Variants in PLPP1 observed in about 807,000 individuals in gnomAD.
PLPP1 encodes phospholipid phosphatase 1.
In PLPP1, 24 loss-of-function variants were observed where a neutral mutation model predicts 31.2. The observed-to-expected ratio is 0.77, with a 90% CI of 0.56 to 1.08. The LOEUF (loss-of-function observed/expected upper bound fraction) is 1.08. PLPP1 is among the 50% of genes least tolerant of loss of function. The probability of loss-of-function intolerance (pLI) is 0.00; values close to 1 mark genes in which losing one functional copy is unlikely to be tolerated. For missense variants in PLPP1, 319 were observed against 342.7 expected (o/e 0.93, Z 0.55); for synonymous variants, 146 against 126.3 (o/e 1.16, Z -1.05).
intron 3 of PLPP1, among the ~76,000 whole-genome samples, chr5:55,459,035 G>C (rs1369289199): frequency 6.7e-6 from 1 of 149,792 alleles, no homozygotes; most frequent in Non-Finnish European, 1.5e-5. Flanking sequence ...ACTATATATT[G>C]TCTCTAAAAG....
At chr5:55,511,470 T>C (rs1484222382) in intron 1 of PLPP1, among the ~76,000 whole-genome samples, 1 of 152,062 alleles carries the variant, frequency 6.6e-6, no homozygotes, top group African/African-American at 2.4e-5. Flanking sequence ...ATCACAAGTT[T>C]TTTTTTCTTT....
chr5:55,468,219 G>T, intron 2 of PLPP1, 70 bp from the exon 3 acceptor site: 1 of 1,358,258 alleles, frequency 7.4e-7, no homozygotes, highest in East Asian at 2.3e-5. Context: ...AAAACATAGG[G>T]GGAAAAAAGG....
At chr5:55,429,071 G>A (rs751912908) in intron 4 of PLPP1, among the ~76,000 whole-genome samples, 10 of 152,016 alleles carry the variant, frequency 6.6e-5, no homozygotes, top group Non-Finnish European at 1.5e-4. Flanking sequence ...GAGACCTGCT[G>A]GGCTGTATTT....
chr5:55,429,343 T>G (rs1751287658), intron 4 of PLPP1, among the ~76,000 whole-genome samples: 1 of 151,744 alleles, frequency 6.6e-6, no homozygotes, highest in Non-Finnish European at 1.5e-5. Flanking sequence ...ATAGATCACC[T>G]AAGAGAGAAT....
chr5:55,534,744 TC>T lies in PLPP1; in HGVS notation c.-116del. ...GGCGACGGCCCCGAGCTACGGCCCC[TC>T]CCAGCCGGAGGAGGAGAGCAGCCGA... On this transcript the variant is annotated 5_prime_UTR_variant, in exon 1 of 6. Transcript: ENST00000307259. 8.8e-7 allele frequency: 1 copy of T among 1,132,386 alleles called. No individual in the cohort carries two copies. Among genetic ancestry groups the T allele is most frequent in the Non-Finnish European group, 1.2e-6 (1 of 825,900 alleles). The allele number at this position is 1,132,386 out of a possible 1,614,324, so 70.1% of individuals were successfully genotyped here.
At chr5:55,473,984 T>C (rs1446755371) in intron 2 of PLPP1, among the ~76,000 whole-genome samples, 1 of 63,612 alleles carries the variant, frequency 1.6e-5, no homozygotes, top group East Asian at 3.2e-4. Context: ...TCTGGTTTTT[T>C]TGTTTGTTTG....
intron 5 of PLPP1, 186 bp downstream of exon 5, chr5:55,425,677 A>G: frequency 1.9e-6 from 1 of 516,200 alleles, no homozygotes; most frequent in Non-Finnish European, 3.2e-6. Context: ...AAAACTACTA[A>G]GTTTTAGAAA....
At chr5:55,458,887 CAAAAAAAAAAAAA>C (rs529067608) in intron 3 of PLPP1, among the ~76,000 whole-genome samples, 6,704 of 21,290 alleles carry the variant, frequency 0.31, 413 homozygotes, top group Admixed American at 0.47. Flanking sequence ...ACCCTGTCTC[CAAAAAAAAAAAAA>C]AAAAAAAAAA....
Position 55,528,442 on chromosome 5 carries a change from G to A in PLPP1, c.58+6130C>T, listed in dbSNP as rs1271235607. On this transcript the variant is annotated intron_variant, in intron 1 of 5. Transcript: ENST00000307259. ...CATCATTAGACTCTGAGCCCTTCAG[G>A]GCAGGGATTATCTTATTCATCTTTG... Among the ~76,000 whole-genome samples the A allele has an allele frequency of 2.0e-5, 3 of 152,184 alleles. No homozygotes were observed. The East Asian group carries it at 5.8e-4, about 29-fold the overall frequency.
At chr5:55,504,864 G>A (rs1753238347) in intron 1 of PLPP1, among the ~76,000 whole-genome samples, 1 of 146,600 alleles carries the variant, frequency 6.8e-6, no homozygotes, top group African/African-American at 2.5e-5. Flanking sequence ...AGGCTTGAGT[G>A]CAGTGACACC....
intron 3 of PLPP1, among the ~76,000 whole-genome samples, chr5:55,464,140 T>C (rs1049617311): frequency 6.6e-6 from 1 of 151,346 alleles, no homozygotes; most frequent in African/African-American, 2.4e-5. Context: ...AATACACACA[T>C]GCTATATATA....
chr5:55,530,634 C>G, intron 1 of PLPP1: 1 of 1,588,112 alleles, frequency 6.3e-7, no homozygotes, highest in East Asian at 2.2e-5. Flanking sequence ...TGCACAGCAT[C>G]TGCAGCTACC....
chr5:55,499,382 T>C (rs1753069389), intron 1 of PLPP1, among the ~76,000 whole-genome samples: 1 of 152,208 alleles, frequency 6.6e-6, no homozygotes, highest in Non-Finnish European at 1.5e-5. Flanking sequence ...AAGTTTACAG[T>C]ATACAATATA....
chr5:55,481,604 C>A (rs1752669463), intron 1 of PLPP1, among the ~76,000 whole-genome samples: 1 of 152,094 alleles, frequency 6.6e-6, no homozygotes, highest in Non-Finnish European at 1.5e-5. Context: ...AAAAAAAGAC[C>A]CCATAGGCAG....
Position 55,516,750 on chromosome 5 carries a change from A to G in PLPP1, c.58+17822T>C, listed in dbSNP as rs143953798. Among the ~76,000 whole-genome samples, 472 of 152,370 alleles carry G rather than the reference A, an allele frequency of 3.1e-3. 4 individuals are homozygous for G. The highest frequency in any genetic ancestry group is 6.8e-3 in the Middle Eastern group (2 of 294). ...CATGAACACAAAAGAATTCTGCAAA[A>G]TATCTACATATTAGTAAAAATGAAT... On this transcript the variant is annotated intron_variant, in intron 1 of 5. Transcript: ENST00000307259.
At chr5:55,491,147 T>C in intron 1 of PLPP1, 2 of 1,596,492 alleles carry the variant, frequency 1.3e-6, no homozygotes, top group Non-Finnish European at 1.7e-6. Flanking sequence ...ACACACATGA[T>C]TAAATTCAAT....
chr5:55,513,845 A>G (rs1335989907), intron 1 of PLPP1, among the ~76,000 whole-genome samples: 4 of 151,954 alleles, frequency 2.6e-5, no homozygotes, highest in African/African-American at 9.7e-5. Context: ...AGGAATGCTT[A>G]AACATAGGAG....
intron 1 of PLPP1, among the ~76,000 whole-genome samples, chr5:55,507,767 G>C (rs1753313761): frequency 6.6e-6 from 1 of 152,054 alleles, no homozygotes; most frequent in South Asian, 2.1e-4. Flanking sequence ...CAGGCTCTCA[G>C]TCTCATTGAG....
rs749135679 is a variant in PLPP1, at chr5:55,442,041, G to A, written c.492-133C>T. ...CTACTTTGAGAAATTAGAAGGGTAC[G>A]GCAGGGGGACAATTAGGACATGAAC... On this transcript the variant is annotated intron_variant, in intron 3 of 5. Transcript: ENST00000307259. 407 of 792,946 alleles carry A rather than the reference G, an allele frequency of 5.1e-4. 1 individual carries two copies. The highest frequency in any genetic ancestry group is 9.6e-4 in the African/African-American group (56 of 58,286). 49.1% of individuals were successfully genotyped at this position (792,946 alleles called of 1,614,324 possible).
Sources: allele counts gnomAD v4.1 joint callset (sites outside exome capture counted in the v4.1 genomes callset), GRCh38; gene constraint gnomAD v4.1.1; transcripts MANE v1.5; gene names NCBI Gene and HGNC (gene_info 2026-07-23, HGNC 2026-07-21).